CEP55: variants seen among roughly 807,000 people sequenced by gnomAD.
CEP55 encodes the protein centrosomal protein of 55 kDa.
CEP55 carries 57 observed loss-of-function variants against 63.2 expected under a neutral mutation model. The observed-to-expected ratio is 0.90, with a 90% CI of 0.73 to 1.13. CEP55 has a LOEUF of 1.13. CEP55 is among the 50% of genes most tolerant of loss of function. CEP55 has a pLI of 0.00. For missense variants in CEP55, 456 were observed against 518.9 expected, an observed-to-expected ratio of 0.88 and a Z score of 1.18; for synonymous variants, 178 against 191.6, an observed-to-expected ratio of 0.93 and a Z score of 0.59.
chr10:93,508,479 C>T (rs2057710534), intron 4 of CEP55, among the ~76,000 whole-genome samples: 1 of 152,154 alleles, frequency 6.6e-6, no homozygotes, highest in Admixed American at 6.5e-5. Flanking sequence ...CGTAATTTAC[C>T]TAGAGGTAAC....
At chr10:93,501,468 C>A (rs985928753) in intron 2 of CEP55, among the ~76,000 whole-genome samples, 8 of 152,132 alleles carry the variant, frequency 5.3e-5, no homozygotes, top group African/African-American at 9.7e-5. Context: ...ACAGGTGGAT[C>A]ACCTGAGGTC....
intron 1 of CEP55, among the ~76,000 whole-genome samples, chr10:93,497,643 G>C (rs945023034): frequency 2.0e-5 from 3 of 147,438 alleles, no homozygotes; most frequent in African/African-American, 7.5e-5. Context: ...TCAAAGTGCA[G>C]TCCTTGAAAA....
intron 5 of CEP55, among the ~76,000 whole-genome samples, chr10:93,515,997 A>G (rs942223530): frequency 5.3e-5 from 8 of 152,206 alleles, no homozygotes; most frequent in African/African-American, 1.9e-4. Flanking sequence ...GAAATTTCTC[A>G]TTCACGATGC....
intron 8 of CEP55, among the ~76,000 whole-genome samples, chr10:93,525,440 T>C (rs1445662583): frequency 6.6e-6 from 1 of 152,092 alleles, no homozygotes; most frequent in Non-Finnish European, 1.5e-5. Flanking sequence ...TAAAAGAGGA[T>C]ACAAACAAAT....
intron 3 of CEP55, 36 bp from the exon 4 acceptor site, chr10:93,506,952 A>C (rs779108533): frequency 7.6e-7 from 1 of 1,315,530 alleles, no homozygotes; most frequent in East Asian, 2.3e-5. Flanking sequence ...TCTATTGTGG[A>C]ATGTCTGATG....
chr10:93,519,832 A>C, intron 8 of CEP55, 25 bp downstream of exon 8: 1 of 1,613,378 alleles, frequency 6.2e-7, no homozygotes, highest in Non-Finnish European at 8.5e-7. Flanking sequence ...ATTAAACTAA[A>C]ATTTGTCTTC....
Position 93,503,238 on chromosome 10 carries a change from G to A in CEP55, c.309G>A (p.Gln103=), listed in dbSNP as rs1454384899. ...ARYSTTTLLE[Q]LEETTREGER... is the part of the protein sequence containing the mutation. ...ATAGTACTACCACATTGCTTGAACA[G>A]CTGGAAGAGACAACGAGAGAAGGAG... The change falls in exon 3 of 9, where the codon CAG becomes CAA. Residue 103 remains glutamine (Q), a synonymous_variant. Coordinates refer to ENST00000371485, the MANE Select transcript of CEP55 (RefSeq NM_018131.5). The A allele has an allele frequency of 1.9e-6, 3 of 1,613,962 alleles. No individual in the cohort carries two copies. Among genetic ancestry groups the A allele is most frequent in the Non-Finnish European group, 2.5e-6 (3 of 1,179,982 alleles).
At chr10:93,522,340 A>T (rs2057873641) in intron 8 of CEP55, among the ~76,000 whole-genome samples, 1 of 152,268 alleles carries the variant, frequency 6.6e-6, no homozygotes, top group South Asian at 2.1e-4. Flanking sequence ...AGTATCAATG[A>T]TGGAAGATCA....
At chr10:93,527,416 C>T (rs1291705675) in intron 8 of CEP55, among the ~76,000 whole-genome samples, 2 of 152,190 alleles carry the variant, frequency 1.3e-5, no homozygotes, top group African/African-American at 4.8e-5. Context: ...TATATACACC[C>T]AACTCCCATA....
chr10:93,528,198 T>G lies in CEP55; in HGVS notation c.*45T>G, dbSNP rs2057944588. The G allele has an allele frequency of 6.6e-7, 1 of 1,524,448 alleles. No homozygotes were observed. The allele number at this position is 1,524,448 out of a possible 1,614,324, so 94.4% of individuals were successfully genotyped here. ...GATATTAAAAGATTCAATACTGTAT[T>G]TTCTGTTAGCTTGTGGGCATTTTGA... On this transcript the variant is annotated 3_prime_UTR_variant, in exon 9 of 9. Transcript: ENST00000371485.
rs752614348 is a variant in CEP55, at chr10:93,528,125, T to C, written c.1367T>C (p.Leu456Pro). 6.2e-7 allele frequency: 1 copy of C among 1,614,064 alleles called. No individual in the cohort carries two copies. The highest frequency in any genetic ancestry group is 1.1e-5 in the South Asian group (1 of 91,080). The change falls in exon 9 of 9, where the codon CTT becomes CCT. Residue 456 changes from leucine (L) to proline (P), a missense_variant. Transcript: ENST00000371485. ...QYPATEHRDL[L>P]VHVEYCSK ...CCAGCCACTGAGCATCGCGATCTGC[T>C]TGTCCATGTGGAATACTGTTCAAAG...
intron 8 of CEP55, chr10:93,520,015 C>T: frequency 1.7e-6 from 1 of 573,412 alleles, no homozygotes; most frequent in Non-Finnish European, 3.1e-6. Flanking sequence ...GGAAACATTC[C>T]CCCAACTACC....
intron 8 of CEP55, among the ~76,000 whole-genome samples, chr10:93,526,209 A>G (rs527336157): frequency 3.7e-4 from 57 of 152,378 alleles, no homozygotes; most frequent in African/African-American, 1.3e-3. Flanking sequence ...GCTAATATCC[A>G]GAATCTACAA....
intron 2 of CEP55, among the ~76,000 whole-genome samples, chr10:93,501,721 G>C (rs1305732943): frequency 1.3e-5 from 2 of 152,024 alleles, no homozygotes; most frequent in Non-Finnish European, 2.9e-5. Context: ...TATACCATTT[G>C]ATTTATTTAA....
chr10:93,518,581 AT>A (rs2057826738), intron 6 of CEP55, among the ~76,000 whole-genome samples: 1 of 152,152 alleles, frequency 6.6e-6, no homozygotes, highest in Non-Finnish European at 1.5e-5. Context: ...CACCCATGTT[AT>A]CCTACTCAGA....
intron 4 of CEP55, among the ~76,000 whole-genome samples, chr10:93,512,573 T>C (rs1299059390): frequency 1.3e-5 from 2 of 151,982 alleles, no homozygotes; most frequent in Middle Eastern, 3.2e-3. Flanking sequence ...AAATTATTTG[T>C]ATTAAAATAC....
At chr10:93,504,277 A>C (rs1425864871) in intron 3 of CEP55, among the ~76,000 whole-genome samples, 1 of 152,208 alleles carries the variant, frequency 6.6e-6, no homozygotes, top group Non-Finnish European at 1.5e-5. Context: ...GTTTGAGACC[A>C]GCCTGGCCAA....
At chr10:93,524,862 AG>A (rs2057903751) in intron 8 of CEP55, among the ~76,000 whole-genome samples, 3 of 152,364 alleles carry the variant, frequency 2.0e-5, no homozygotes, top group Admixed American at 6.5e-5. Context: ...CAATAGATGC[AG>A]AAAAGGCCTT....
At position 93,503,119 on chromosome 10, in the gene CEP55, C is replaced by G; in HGVS notation, c.190C>G (p.Arg64Gly). ...CTTCTTAGTTTATGTCTAGAAAATT[C>G]GAGTCCTTGAGGCTGAGAAGGAGAA... ...KERHRLLEKI[R>G]VLEAEKEKNA... Residue 64 changes from arginine to glycine, a missense_variant, in exon 3 of 9, where the codon CGA becomes GGA. Physicochemically the swap from Arg to Gly is moderately radical, Grantham distance 125. Transcript: ENST00000371485. 1.2e-6 allele frequency: 2 copies of G among 1,610,348 alleles called. No homozygotes were observed. The highest frequency in any genetic ancestry group is 8.5e-7 in the Non-Finnish European group (1 of 1,178,558).
Sources: gnomAD v4.1 joint callset for allele counts (sites outside exome capture counted in the v4.1 genomes callset) on GRCh38, gnomAD v4.1.1 for gene constraint, MANE v1.5 for transcripts, NCBI Gene and HGNC (gene_info 2026-07-23, HGNC 2026-07-21) for gene names.